ZNF678: variants seen among roughly 807,000 people sequenced by gnomAD.
The protein encoded by ZNF678 is zinc finger protein 678, also known as hypothetical protein MGC42493.
In ZNF678, 5 loss-of-function variants were observed where a neutral mutation model predicts 3.0. That is an observed-to-expected ratio of 1.69 (90% CI 0.88 to 3.56). The LOEUF is 3.56. Ranked by LOEUF, ZNF678 falls within the 30% of genes most tolerant of loss-of-function variation. ZNF678 has a pLI of 0.00. For synonymous variants in ZNF678, 218 were observed against 199.6 expected, an observed-to-expected ratio of 1.09 and a Z score of -0.78; for missense variants, 593 against 605.0, an observed-to-expected ratio of 0.98 and a Z score of 0.21.
Position 227,617,486 on chromosome 1 carries a change from G to A in ZNF678, c.-163-29058G>A, listed in dbSNP as rs148470252. 2.0e-3 allele frequency among the ~76,000 whole-genome samples: 309 copies of A among 152,212 alleles called. 1 individual carries two copies. The highest frequency in any genetic ancestry group is 7.0e-3 in the African/African-American group (292 of 41,536). ...TAGGGCCTGGTTTAACAAATGGTTC[G>A]GCACAATATGCCTATACCACCCCAA... On this transcript the variant is annotated intron_variant, in intron 1 of 3. Coordinates refer to ENST00000343776, the MANE Select transcript of ZNF678 (RefSeq NM_001367909.1).
At chr1:227,637,016 A>C (rs1658695556) in intron 1 of ZNF678, among the ~76,000 whole-genome samples, 1 of 152,152 alleles carries the variant, frequency 6.6e-6, no homozygotes, top group African/African-American at 2.4e-5. Context: ...GGTGGTGCCT[A>C]GAAGTAGTGG....
At position 227,643,408 on chromosome 1, in the gene ZNF678, G is replaced by T. The variant is rs117296206; in HGVS notation, c.-163-3136G>T. 4.6e-3 allele frequency among the ~76,000 whole-genome samples: 708 copies of T among 152,294 alleles called. 19 individuals carry two copies. In the South Asian group the frequency reaches 0.057, roughly 12 times the overall value. Reference sequence around the variant, plus strand: ...GGGCAGCCTTAGGAAAGACGTAACTGAAAATAAGCCAGTGGTATAAAGATG... The same window carrying T: ...GGGCAGCCTTAGGAAAGACGTAACTTAAAATAAGCCAGTGGTATAAAGATG... On this transcript the variant is annotated intron_variant, in intron 1 of 3. Coordinates refer to ENST00000343776, the MANE Select transcript of ZNF678 (RefSeq NM_001367909.1).
chr1:227,583,075 G>GT (rs1571864272), intron 1 of ZNF678, among the ~76,000 whole-genome samples: 1 of 151,984 alleles, frequency 6.6e-6, no homozygotes, highest in East Asian at 1.9e-4. Context: ...TTAAACACTT[G>GT]TTTTTATTTA....
rs192533675 is a variant in ZNF678 at position 227,596,232 on chromosome 1, C to T, written c.-164+32508C>T. On this transcript the variant is annotated intron_variant, in intron 1 of 3. Transcript: ENST00000343776. ...TGCATAAGGAGCTGCCGCAACCATC[C>T]GCCAATCACCTCACTTCCCAGTCAG... 5.9e-5 allele frequency among the ~76,000 whole-genome samples: 9 copies of T among 152,308 alleles called. No homozygotes were observed. In the East Asian group the frequency reaches 7.7e-4, roughly 13 times the overall value.
In ZNF678 at chr1:227,639,372, G is replaced by C. The variant is rs117799033; in HGVS notation, c.-163-7172G>C. 3.5e-3 allele frequency among the ~76,000 whole-genome samples: 530 copies of C among 152,312 alleles called. 13 individuals carry two copies. Among genetic ancestry groups the C allele is most frequent in the South Asian group, 0.031 (151 of 4,828 alleles). ...GCCTTTTACTTTCCCCATCACGATT[G>C]TTAAAGACTTTGAAGGGTAAATTAA... On this transcript the variant is annotated intron_variant, in intron 1 of 3. Transcript: ENST00000343776.
intron 1 of ZNF678, among the ~76,000 whole-genome samples, chr1:227,587,525 C>G (rs1657293191): frequency 6.6e-6 from 1 of 152,144 alleles, no homozygotes; most frequent in Admixed American, 6.6e-5. Context: ...CCTATCTTGT[C>G]TAGAACCAAA....
At position 227,621,077 on chromosome 1, in the gene ZNF678, C is replaced by A. The variant is rs76721632; in HGVS notation, c.-163-25467C>A. 4.0e-3 allele frequency among the ~76,000 whole-genome samples: 615 copies of A among 152,164 alleles called. 6 individuals carry two copies. The highest frequency in any genetic ancestry group is 0.014 in the African/African-American group (584 of 41,480). On this transcript the variant is annotated intron_variant, in intron 1 of 3. Transcript: ENST00000343776. ...GACCAGTCTGGGCACCATACTGAGA[C>A]CTCATCTCTATTGAAAAAGTCAACC... is the stretch of plus-strand genomic sequence containing the variant.
At chr1:227,647,765 A>G (rs1227607008) in intron 2 of ZNF678, among the ~76,000 whole-genome samples, 2 of 148,234 alleles carry the variant, frequency 1.3e-5, no homozygotes. Context: ...TTCATGGTTT[A>G]TAAGGCACTA....
At chr1:227,669,491 A>T (rs1229450219) in intron 5 of ZNF678, among the ~76,000 whole-genome samples, 2 of 148,652 alleles carry the variant, frequency 1.3e-5, no homozygotes, top group Non-Finnish European at 3.0e-5. Flanking sequence ...ATATATATCT[A>T]AAAAAAAATT....
At chr1:227,612,554 C>T (rs1346642088) in intron 1 of ZNF678, among the ~76,000 whole-genome samples, 1 of 152,154 alleles carries the variant, frequency 6.6e-6, no homozygotes, top group Non-Finnish European at 1.5e-5. Flanking sequence ...AGGCAAATTA[C>T]CTTACCTACA....
At chr1:227,618,073 G>C (rs145328375) in intron 1 of ZNF678, among the ~76,000 whole-genome samples, 1 of 152,100 alleles carries the variant, frequency 6.6e-6, no homozygotes, top group Non-Finnish European at 1.5e-5. Flanking sequence ...ACAACACTTC[G>C]CCCCTAATAT....
At chr1:227,666,031 T>C (rs1488849045), downstream of ZNF678, among the ~76,000 whole-genome samples, 1 of 152,236 alleles carries the variant, frequency 6.6e-6, no homozygotes, top group Non-Finnish European at 1.5e-5. Flanking sequence ...GAGTGAGTTA[T>C]TCTTTCTAAG....
rs1235619832 is a variant in ZNF678 at position 227,637,578 on chromosome 1, G to A, written c.-163-8966G>A. The stretch of plus-strand genomic sequence containing the variant: ...CTAATGCAACTCCATGCTGTTCATC[G>A]GTATAGTTGGAGAAAGGTTTGGTGA... On this transcript the variant is annotated intron_variant, in intron 1 of 3. Transcript: ENST00000343776. Among the ~76,000 whole-genome samples the A allele has an allele frequency of 3.9e-5, 6 of 152,102 alleles. No homozygotes were observed. In the East Asian group the frequency reaches 5.8e-4, roughly 15 times the overall value.
intron 1 of ZNF678, among the ~76,000 whole-genome samples, chr1:227,632,342 T>G (rs1405962996): frequency 2.0e-5 from 3 of 152,012 alleles, no homozygotes; most frequent in Admixed American, 6.6e-5. Context: ...AGGAAGTAGA[T>G]TCAGAGGTAA....
intron 5 of ZNF678, among the ~76,000 whole-genome samples, chr1:227,669,675 G>T (rs1380892880): frequency 6.6e-6 from 1 of 150,846 alleles, no homozygotes; most frequent in African/African-American, 2.4e-5. Context: ...ATCTCCCACC[G>T]GTCAGAATAG....
In ZNF678 at chr1:227,660,410, C is replaced by T. The variant is rs1263094443; in HGVS notation, c.*4582C>T. 1 of 151,522 alleles carries T rather than the reference C, an allele frequency of 6.6e-6. No individual in the cohort carries two copies. The highest frequency in any genetic ancestry group is 1.5e-5 in the Non-Finnish European group (1 of 67,838). 9.4% of individuals were successfully genotyped at this position (151,522 alleles called of 1,614,324 possible). A position where few individuals can be genotyped will look rare whatever the true frequency, so the allele number is the denominator to read the frequency against. On this transcript the variant is annotated 3_prime_UTR_variant, in exon 4 of 4. Transcript: ENST00000343776. ...CATTTATTTATGTTTAATTTTATAC[C>T]TCAGTTTTCTTTAGCTTTTAATGTA...
At position 227,619,770 on chromosome 1, in the gene ZNF678, C is replaced by T. The variant is rs537911208; in HGVS notation, c.-163-26774C>T. ...TCATGATCCGCCCGCCTTGGCCTCC[C>T]AAAGTGCCTGAGGTTGCAATTTTTT... On this transcript the variant is annotated intron_variant, in intron 1 of 3. Coordinates refer to ENST00000343776, the MANE Select transcript of ZNF678 (RefSeq NM_001367909.1). Among the ~76,000 whole-genome samples, 484 of 151,898 alleles carry T rather than the reference C, an allele frequency of 3.2e-3. 2 individuals carry two copies. Among genetic ancestry groups the T allele is most frequent in the Non-Finnish European group, 5.0e-3 (338 of 67,970 alleles).
Position 227,657,904 on chromosome 1 carries a change from C to T in ZNF678, c.*2076C>T, listed in dbSNP as rs984889042. ...CTGTAAAATCTTATGGCTGCTGGCT[C>T]AGAATCTTCTCATGCAAATCCTGTT... is the stretch of plus-strand genomic sequence containing the variant. On this transcript the variant is annotated 3_prime_UTR_variant, in exon 4 of 4. Transcript: ENST00000343776. 1 of 151,992 alleles carries T rather than the reference C, an allele frequency of 6.6e-6. No homozygotes were observed. The highest frequency in any genetic ancestry group is 1.5e-5 in the Non-Finnish European group (1 of 67,902). 9.4% of individuals were successfully genotyped at this position (151,992 alleles called of 1,614,324 possible).
intron 1 of ZNF678, among the ~76,000 whole-genome samples, chr1:227,570,915 A>T (rs894989432): frequency 6.6e-6 from 1 of 152,184 alleles, no homozygotes; most frequent in African/African-American, 2.4e-5. Flanking sequence ...AGTTTAGTGC[A>T]GACAAAAGGG....
Sources: allele counts gnomAD v4.1 joint callset (sites outside exome capture counted in the v4.1 genomes callset), GRCh38; gene constraint gnomAD v4.1.1; transcripts MANE v1.5; gene names NCBI Gene and HGNC (gene_info 2026-07-23, HGNC 2026-07-21).